SASH1: variants seen among roughly 807,000 people sequenced by gnomAD.
The protein encoded by SASH1 is SAM and SH3 domain-containing protein 1.
Under a neutral mutation model 125.2 loss-of-function variants are expected in SASH1, and 44 were observed. The ratio of observed to expected loss-of-function variants is 0.35; its 90% CI spans 0.28 to 0.45. The LOEUF is 0.45. SASH1 is among the 20% of genes least tolerant of loss of function. The pLI, the probability that SASH1 is intolerant of heterozygous loss-of-function variation, is 1.00. For synonymous variants in SASH1, 639 were observed against 649.1 expected, an observed-to-expected ratio of 0.98 and a Z score of 0.24; for missense variants, 1,426 against 1,614.5, an observed-to-expected ratio of 0.88 and a Z score of 2.00.
At chr6:148,507,648 T>C (rs1203493169) in intron 8 of SASH1, among the ~76,000 whole-genome samples, 1 of 152,216 alleles carries the variant, frequency 6.6e-6, no homozygotes, top group East Asian at 1.9e-4. Flanking sequence ...CGTGAGCCAC[T>C]GTGCCTGGCC....
chr6:148,394,139 C>T (rs547139568), intron 2 of SASH1, among the ~76,000 whole-genome samples: 11 of 152,022 alleles, frequency 7.2e-5, no homozygotes, highest in Non-Finnish European at 1.5e-4. Context: ...ATGATCCTCC[C>T]GGCTTGGCCT....
chr6:148,216,818 C>T, the SASH1 span, among the ~76,000 whole-genome samples: 1 of 152,046 alleles, frequency 6.6e-6, no homozygotes, highest in African/African-American at 2.4e-5. Flanking sequence ...GCAACCTCCA[C>T]CTCCCGGGTT....
At chr6:148,458,542 A>G (rs1374849192) in intron 4 of SASH1, among the ~76,000 whole-genome samples, 1 of 152,196 alleles carries the variant, frequency 6.6e-6, no homozygotes, top group Non-Finnish European at 1.5e-5. Flanking sequence ...GGTATGCGCC[A>G]TGTCGTGTGC....
Position 148,529,797 on chromosome 6 carries a change from GT to G in SASH1, c.1429-1719del, listed in dbSNP as rs774633309. Among the ~76,000 whole-genome samples, 26 of 145,674 alleles carry G rather than the reference GT, an allele frequency of 1.8e-4. No homozygotes were observed. Among genetic ancestry groups the G allele is most frequent in the African/African-American group, 5.9e-4 (23 of 38,792 alleles). On this transcript the variant is annotated intron_variant, in intron 12 of 19. Coordinates refer to ENST00000367467, the MANE Select transcript of SASH1 (RefSeq NM_015278.5). The surrounding 1 kb of genome is among the most constrained non-coding windows in gnomAD (Gnocchi z 4.2). ...AAATAATGGAAGGTTTTATGTGGTT[GT>G]TTTTTTTTTGTTTTTGTTTTTGTTT...
At chr6:148,274,038 C>A (rs1272898469) in intron 1 of SASH1, among the ~76,000 whole-genome samples, 1 of 152,150 alleles carries the variant, frequency 6.6e-6, no homozygotes, top group Non-Finnish European at 1.5e-5. Flanking sequence ...GAGACTGGGT[C>A]ATTGAGAGAA....
Position 148,514,269 on chromosome 6 carries a change from C to A in SASH1, c.730-55C>A. Reference sequence around the variant, plus strand: ...GCAAGGCCGGCTACATCCAGCCACACGGGCAAAGCTCGGAGCAATTACCTG... The same window carrying A: ...GCAAGGCCGGCTACATCCAGCCACAAGGGCAAAGCTCGGAGCAATTACCTG... On this transcript the variant is annotated intron_variant, in intron 8 of 19. Transcript: ENST00000367467. 6 of 1,568,288 alleles carry A rather than the reference C, an allele frequency of 3.8e-6. No homozygotes were observed. The South Asian group carries it at 4.8e-5, about 12-fold the overall frequency.
At chr6:148,510,106 G>A (rs1021889616) in intron 8 of SASH1, among the ~76,000 whole-genome samples, 2 of 152,224 alleles carry the variant, frequency 1.3e-5, no homozygotes, top group Non-Finnish European at 2.9e-5. Context: ...GCAATCTGAT[G>A]TAATGTTGCT....
rs147126933 is a variant in SASH1 at position 148,394,770 on chromosome 6, G to A, written c.285+4508G>A. Among the ~76,000 whole-genome samples, 969 of 152,160 alleles carry A rather than the reference G, an allele frequency of 6.4e-3. 15 individuals are homozygous for A. The East Asian group carries it at 0.069, about 11-fold the overall frequency. On this transcript the variant is annotated intron_variant, in intron 2 of 19. Coordinates refer to ENST00000367467, the MANE Select transcript of SASH1 (RefSeq NM_015278.5). ...AGCGATTCTCTTGCATTAGCCTCCCGAGTAGCTAGGATTACAGGTGTGTAC... is the reference window on the plus strand; with the variant it reads ...AGCGATTCTCTTGCATTAGCCTCCCAAGTAGCTAGGATTACAGGTGTGTAC...
chr6:148,491,578 C>G (rs1327648855), intron 8 of SASH1, among the ~76,000 whole-genome samples: 1 of 152,106 alleles, frequency 6.6e-6, no homozygotes, highest in Non-Finnish European at 1.5e-5. Context: ...CCTGAACATT[C>G]ATTCTTCCTG....
At chr6:148,368,784 A>ACACACACACACG (rs1782592135) in intron 1 of SASH1, among the ~76,000 whole-genome samples, 1 of 151,898 alleles carries the variant, frequency 6.6e-6, no homozygotes, top group Non-Finnish European at 1.5e-5. Flanking sequence ...ACACACACAC[A>ACACACACACACG]CACACACACA....
At chr6:148,461,168 C>T (rs1777598078) in intron 4 of SASH1, among the ~76,000 whole-genome samples, 1 of 152,180 alleles carries the variant, frequency 6.6e-6, no homozygotes, top group African/African-American at 2.4e-5. Context: ...CTTAGAAAGA[C>T]AGTCAAGGCT....
At chr6:148,538,510 C>T (rs1449600597) in intron 16 of SASH1, among the ~76,000 whole-genome samples, 1 of 152,202 alleles carries the variant, frequency 6.6e-6, no homozygotes, top group Non-Finnish European at 1.5e-5. Context: ...TTTAGGTGGT[C>T]AGGGGGACAG....
In SASH1 at chr6:148,368,777, C is replaced by CACACACACACACACACACACAT. The variant is rs779992595; in HGVS notation, c.157-21339_157-21338insACATACACACACACACACACAC. Among the ~76,000 whole-genome samples the CACACACACACACACACACACAT allele has an allele frequency of 3.8e-4, 58 of 151,574 alleles. 1 individual carries two copies. In the South Asian group the frequency reaches 6.8e-3, roughly 18 times the overall value. ...ATGCGCGCGCACGCGCGCGCACACA[C>CACACACACACACACACACACAT]ACACACACACACACACACGGGGTTC... On this transcript the variant is annotated intron_variant, in intron 1 of 19. Transcript: ENST00000367467.
the SASH1 span, among the ~76,000 whole-genome samples, chr6:148,194,415 C>A: frequency 6.6e-6 from 1 of 152,204 alleles, no homozygotes; most frequent in Non-Finnish European, 1.5e-5. Context: ...ATTTCAGCTT[C>A]ATTGGAAATA....
intron 16 of SASH1, among the ~76,000 whole-genome samples, chr6:148,536,585 C>T (rs1037882857): frequency 6.6e-6 from 1 of 152,226 alleles, no homozygotes; most frequent in Non-Finnish European, 1.5e-5. Context: ...GGTGATCCGC[C>T]CACCTCGGCC....
intron 1 of SASH1, among the ~76,000 whole-genome samples, chr6:148,298,015 T>TA (rs1251231286): frequency 7.6e-4 from 100 of 132,408 alleles, no homozygotes; most frequent in Admixed American, 3.7e-3. Context: ...TATATATATA[T>TA]TTTTTTTTTG....
At position 148,482,688 on chromosome 6, in the gene SASH1, A is replaced by ATTTTTT. The variant is rs200708826; in HGVS notation, c.628-4913_628-4908dup. Among the ~76,000 whole-genome samples, 20 of 99,920 alleles carry ATTTTTT rather than the reference A, an allele frequency of 2.0e-4. 1 individual carries two copies. Among genetic ancestry groups the ATTTTTT allele is most frequent in the Admixed American group, 3.3e-4 (3 of 8,970 alleles). 65.6% of individuals were successfully genotyped at this position (99,920 alleles called of 152,430 possible). ...AGGCATGTGCCACCACACCTGGCTA[A>ATTTTTT]TTTTTTTTTTTTTTTTTTGAGAGAG... On this transcript the variant is annotated intron_variant, in intron 7 of 19. Coordinates refer to ENST00000367467, the MANE Select transcript of SASH1 (RefSeq NM_015278.5).
At chr6:148,264,901 T>TG in the SASH1 span, among the ~76,000 whole-genome samples, 1 of 152,266 alleles carries the variant, frequency 6.6e-6, no homozygotes, top group Non-Finnish European at 1.5e-5. Flanking sequence ...TCTATGGCCA[T>TG]CTAGAAAGCA....
At chr6:148,301,340 A>C (rs1278455685) in intron 1 of SASH1, among the ~76,000 whole-genome samples, 1 of 151,676 alleles carries the variant, frequency 6.6e-6, no homozygotes, top group Non-Finnish European at 1.5e-5. Context: ...AAAAAAAAAA[A>C]AAAAAAACTC....
Sources: gnomAD v4.1 joint callset for allele counts (sites outside exome capture counted in the v4.1 genomes callset) on GRCh38, gnomAD v4.1.1 for gene constraint, Gnocchi (gnomAD v3.1) non-coding constraint, MANE v1.5 for transcripts, NCBI Gene and HGNC (gene_info 2026-07-23, HGNC 2026-07-21) for gene names.